REDIC1: variants seen among roughly 807,000 people sequenced by gnomAD.
REDIC1 encodes the protein HEI10 Interacting Protein 1.
the REDIC1 span, among the ~76,000 whole-genome samples, chr12:39,664,697 A>T: frequency 6.6e-6 from 1 of 152,106 alleles, no homozygotes; most frequent in Admixed American, 6.6e-5. Flanking sequence ...CACCAACAGT[A>T]TAAAAGTGTT....
the REDIC1 span, among the ~76,000 whole-genome samples, chr12:39,819,459 C>T: frequency 6.6e-6 from 1 of 152,106 alleles, no homozygotes; most frequent in Non-Finnish European, 1.5e-5. Context: ...TTACTACAAA[C>T]TTTTATTTAT....
the REDIC1 span, among the ~76,000 whole-genome samples, chr12:39,706,530 G>T: frequency 3.8e-4 from 57 of 151,794 alleles, no homozygotes; most frequent in Non-Finnish European, 7.2e-4. Flanking sequence ...AAAACTGAAG[G>T]AATAGCATTC....
chr12:39,688,766 G>T, the REDIC1 span, among the ~76,000 whole-genome samples: 1 of 152,138 alleles, frequency 6.6e-6, no homozygotes, highest in South Asian at 2.1e-4. Context: ...TGAAATGAGA[G>T]AAGAGAAGAT....
chr12:39,735,522 T>G, the REDIC1 span, among the ~76,000 whole-genome samples: 2 of 152,286 alleles, frequency 1.3e-5, no homozygotes, highest in South Asian at 4.1e-4. Context: ...AGAAAGAACT[T>G]TAATATATAA....
At chr12:39,896,632 T>A in the REDIC1 span, among the ~76,000 whole-genome samples, 1 of 151,490 alleles carries the variant, frequency 6.6e-6, no homozygotes, top group Non-Finnish European at 1.5e-5. Flanking sequence ...AAATTACATA[T>A]AACTTCTGGA....
chr12:39,722,110 A>T, the REDIC1 span, among the ~76,000 whole-genome samples: 1 of 152,098 alleles, frequency 6.6e-6, no homozygotes, highest in East Asian at 1.9e-4. Flanking sequence ...CCCAAAATAA[A>T]ATTGTTAGAG....
the REDIC1 span, chr12:39,830,476 A>G: frequency 1.7e-6 from 2 of 1,206,760 alleles, no homozygotes; most frequent in Non-Finnish European, 2.1e-6. Context: ...CTTGGATCTG[A>G]GAGACTGAAT....
At chr12:39,660,213 G>A in the REDIC1 span, among the ~76,000 whole-genome samples, 9 of 152,216 alleles carry the variant, frequency 5.9e-5, no homozygotes, top group African/African-American at 2.2e-4. Flanking sequence ...GAACACTCTG[G>A]ATCTCTGGAG....
the REDIC1 span, among the ~76,000 whole-genome samples, chr12:39,877,069 T>G: frequency 6.6e-6 from 1 of 152,178 alleles, no homozygotes; most frequent in Admixed American, 6.5e-5. Flanking sequence ...TGCCATTACA[T>G]TAAAAGAGGT....
chr12:39,702,081 A>G, the REDIC1 span, among the ~76,000 whole-genome samples: 4 of 152,152 alleles, frequency 2.6e-5, no homozygotes, highest in Non-Finnish European at 5.9e-5. Context: ...GCAAGAAATA[A>G]CTAAAATCAG....
chr12:39,702,564 A>G, the REDIC1 span, among the ~76,000 whole-genome samples: 335 of 152,194 alleles, frequency 2.2e-3, 2 homozygotes, highest in Middle Eastern at 6.8e-3. Flanking sequence ...AAAAGAGGGA[A>G]TCCTCCCTAA....
chr12:39,773,899 C>T, the REDIC1 span, among the ~76,000 whole-genome samples: 66 of 152,244 alleles, frequency 4.3e-4, no homozygotes, highest in African/African-American at 1.4e-3. Context: ...ACACATCTAC[C>T]ATCGTTCTAC....
the REDIC1 span, among the ~76,000 whole-genome samples, chr12:39,780,550 A>G: frequency 6.6e-6 from 1 of 152,234 alleles, no homozygotes; most frequent in South Asian, 2.1e-4. Flanking sequence ...TGTGTCCTGT[A>G]TATTCTCTTT....
chr12:39,790,205 G>GT, the REDIC1 span, among the ~76,000 whole-genome samples: 153 of 49,910 alleles, frequency 3.1e-3, 1 homozygote, highest in African/African-American at 0.011. Context: ...AGTGTACAGT[G>GT]TTTTTTTTTT....
chr12:39,701,308 T>A, the REDIC1 span, among the ~76,000 whole-genome samples: 1 of 152,232 alleles, frequency 6.6e-6, no homozygotes, highest in Middle Eastern at 3.4e-3. Flanking sequence ...TAAAACAGAC[T>A]TTAAATCAAC....
chr12:39,862,242 C>A, the REDIC1 span, among the ~76,000 whole-genome samples: 1 of 152,196 alleles, frequency 6.6e-6, no homozygotes, highest in Non-Finnish European at 1.5e-5. Context: ...TCTCTTGAAT[C>A]TCAAGTCATT....
the REDIC1 span, among the ~76,000 whole-genome samples, chr12:39,900,213 G>A: frequency 1.3e-5 from 2 of 152,056 alleles, no homozygotes; most frequent in African/African-American, 4.8e-5. Flanking sequence ...AGCTATCTAT[G>A]ACAACCCCAC....
At chr12:39,832,217 T>G in the REDIC1 span, among the ~76,000 whole-genome samples, 1 of 152,028 alleles carries the variant, frequency 6.6e-6, no homozygotes, top group Non-Finnish European at 1.5e-5. Flanking sequence ...GTGTCTGGCT[T>G]TGAGAACCAG....
chr12:39,720,732 A>T, the REDIC1 span: 1 of 1,246,558 alleles, frequency 8.0e-7, no homozygotes, highest in Non-Finnish European at 1.1e-6. Flanking sequence ...AAGTGATTGA[A>T]TGCATTTTTA....
Sources: allele counts gnomAD v4.1 joint callset (sites outside exome capture counted in the v4.1 genomes callset), GRCh38; gene constraint gnomAD v4.1.1; transcripts MANE v1.5; gene names NCBI Gene and HGNC (gene_info 2026-07-23, HGNC 2026-07-21).